Variants in STK32B observed in about 807,000 individuals in gnomAD.
STK32B encodes serine/threonine kinase 32B.
Under a neutral mutation model 52.6 loss-of-function variants are expected in STK32B, and 43 were observed. The ratio of observed to expected loss-of-function variants is 0.82; its 90% confidence interval spans 0.64 to 1.05. The LOEUF (loss-of-function observed/expected upper bound fraction) is 1.05. Among genes scored for constraint, STK32B ranks in the 50% least tolerant of loss-of-function variants. STK32B has a pLI of 0.00. For synonymous variants in STK32B, 238 were observed against 204.3 expected (o/e 1.17, Z -1.41); for missense variants, 621 against 534.6 (o/e 1.16, Z -1.59).
intron 1 of STK32B, among the ~76,000 whole-genome samples, chr4:5,065,448 G>A (rs1443474427): frequency 6.6e-6 from 1 of 152,138 alleles, no homozygotes; most frequent in East Asian, 1.9e-4. Context: ...GGCTGCAAGT[G>A]GTCCATGAGT....
intron 3 of STK32B, among the ~76,000 whole-genome samples, chr4:5,191,159 G>A (rs1721169202): frequency 6.6e-6 from 1 of 152,092 alleles, no homozygotes; most frequent in South Asian, 2.1e-4. Context: ...TGGTTTCCAT[G>A]GTGCCATAGG....
intron 6 of STK32B, among the ~76,000 whole-genome samples, chr4:5,444,591 C>G (rs1018488457): frequency 6.6e-6 from 1 of 152,140 alleles, no homozygotes; most frequent in Admixed American, 6.5e-5. Context: ...AGCTGTTGAC[C>G]GGAGCTGTTC....
chr4:5,469,893 C>G lies in STK32B; in HGVS notation c.1106+1823C>G, dbSNP rs1056768205. ...GCTCTGAGGCTCATGGCCCTTCCCC[C>G]AGACTTAGAAACCCAGACCCAGGAA... On this transcript the variant is annotated intron_variant, in intron 11 of 11. Transcript: ENST00000282908. The surrounding 1 kb of genome is among the most constrained non-coding windows in gnomAD (Gnocchi z 4.7). Among the ~76,000 whole-genome samples, 1 of 152,172 alleles carries G rather than the reference C, an allele frequency of 6.6e-6. No homozygotes were observed. The highest frequency in any genetic ancestry group is 2.4e-5 in the African/African-American group (1 of 41,450).
intron 3 of STK32B, among the ~76,000 whole-genome samples, chr4:5,235,673 A>T (rs1376512596): frequency 6.6e-6 from 1 of 152,240 alleles, no homozygotes; most frequent in Non-Finnish European, 1.5e-5. Context: ...TCATTGTGGA[A>T]TGGAGGCTGC....
chr4:5,484,907 A>G (rs1035445847), intron 11 of STK32B, among the ~76,000 whole-genome samples: 4 of 152,138 alleles, frequency 2.6e-5, no homozygotes, highest in East Asian at 3.8e-4. Context: ...AAGAATGTTG[A>G]TTATTGGCCC....
intron 4 of STK32B, among the ~76,000 whole-genome samples, chr4:5,332,989 A>G (rs1414026806): frequency 1.3e-4 from 20 of 152,220 alleles, no homozygotes; most frequent in Admixed American, 1.3e-3. Flanking sequence ...AGCATGATTT[A>G]TAGTCGTTTG....
Position 5,317,699 on chromosome 4 carries a change from T to C in STK32B, c.261-13521T>C, listed in dbSNP as rs151311613. Among the ~76,000 whole-genome samples, 738 of 150,178 alleles carry C rather than the reference T, an allele frequency of 4.9e-3. 7 individuals are homozygous for C. The highest frequency in any genetic ancestry group is 0.014 in the South Asian group (67 of 4,798). On this transcript the variant is annotated intron_variant, in intron 3 of 11. Transcript: ENST00000282908. ...AGACAAGGTGCCATCTGCAAAGAGC[T>C]CCTATTCTTGTTTGGGAGGCTTCTT... is the stretch of plus-strand genomic sequence containing the variant.
intron 5 of STK32B, among the ~76,000 whole-genome samples, chr4:5,412,515 G>T (rs1711779077): frequency 6.6e-6 from 1 of 152,112 alleles, no homozygotes; most frequent in Non-Finnish European, 1.5e-5. Flanking sequence ...AACCCTGAAG[G>T]CCAGGAGGTA....
chr4:5,203,060 C>G (rs192729993), intron 3 of STK32B, among the ~76,000 whole-genome samples: 1 of 152,296 alleles, frequency 6.6e-6, no homozygotes. Context: ...ATCTTGGAAG[C>G]TTTGTGATCT....
At chr4:5,288,933 G>A (rs933546479) in intron 3 of STK32B, among the ~76,000 whole-genome samples, 67 of 152,230 alleles carry the variant, frequency 4.4e-4, no homozygotes, top group African/African-American at 1.3e-3. Context: ...TTGTATGGTG[G>A]CAGGTAAGAA....
chr4:5,273,223 C>CA (rs1456538817), intron 3 of STK32B, among the ~76,000 whole-genome samples: 2 of 138,828 alleles, frequency 1.4e-5, no homozygotes, highest in Admixed American at 1.5e-4. Flanking sequence ...TTTATGCAGC[C>CA]AAAAAACACA....
intron 3 of STK32B, among the ~76,000 whole-genome samples, chr4:5,294,946 C>T (rs1363726732): frequency 6.6e-6 from 1 of 152,102 alleles, no homozygotes; most frequent in Non-Finnish European, 1.5e-5. Flanking sequence ...AGATAGGTTC[C>T]ATCAATGCCT....
chr4:5,168,046 G>C (rs150296847), intron 2 of STK32B, among the ~76,000 whole-genome samples: 48 of 152,278 alleles, frequency 3.2e-4, no homozygotes, highest in African/African-American at 1.1e-3. Context: ...TTCTGTGTTT[G>C]CATCTCCTCT....
intron 3 of STK32B, among the ~76,000 whole-genome samples, chr4:5,221,581 A>C (rs1477213379): frequency 6.6e-6 from 1 of 152,148 alleles, no homozygotes; most frequent in African/African-American, 2.4e-5. Context: ...TCAGTGCTTC[A>C]TGTCCATGTT....
chr4:5,493,887 T>C (rs1719962375), intron 11 of STK32B, among the ~76,000 whole-genome samples: 1 of 152,252 alleles, frequency 6.6e-6, no homozygotes, highest in Non-Finnish European at 1.5e-5. Flanking sequence ...AGTTGAGTGG[T>C]TTTGCGTTAG....
At chr4:5,105,858 C>T (rs188225760) in intron 1 of STK32B, among the ~76,000 whole-genome samples, 116 of 152,032 alleles carry the variant, frequency 7.6e-4, no homozygotes, top group Middle Eastern at 3.4e-3. Context: ...CCACCACGCC[C>T]GGCTGAACAG....
chr4:5,051,179 A>T (rs1741756748), upstream of STK32B, among the ~76,000 whole-genome samples: 1 of 152,094 alleles, frequency 6.6e-6, no homozygotes, highest in Non-Finnish European at 1.5e-5. Context: ...GACTAACCAC[A>T]GACCTAAGAG....
Position 5,098,804 on chromosome 4 carries a change from T to C in STK32B, c.53-41101T>C, listed in dbSNP as rs569767772. On this transcript the variant is annotated intron_variant, in intron 1 of 11. Coordinates refer to ENST00000282908, the MANE Select transcript of STK32B (RefSeq NM_018401.3). ...CTAGAAACTAAACAGCATGGGGTGATGTATATAACACAGCCTTGTCCTGAT... is the reference window on the plus strand; with the variant it reads ...CTAGAAACTAAACAGCATGGGGTGACGTATATAACACAGCCTTGTCCTGAT... 3.3e-5 allele frequency among the ~76,000 whole-genome samples: 5 copies of C among 152,318 alleles called. No homozygotes were observed. In the South Asian group the frequency reaches 8.3e-4, roughly 25 times the overall value.
chr4:5,308,063 G>C (rs541192822), intron 3 of STK32B, among the ~76,000 whole-genome samples: 1 of 152,102 alleles, frequency 6.6e-6, no homozygotes, highest in African/African-American at 2.4e-5. Context: ...GAGGGTCCTC[G>C]GTTGTATTTT....
Sources: gnomAD v4.1 joint callset for allele counts (sites outside exome capture counted in the v4.1 genomes callset) on GRCh38, gnomAD v4.1.1 for gene constraint, Gnocchi (gnomAD v3.1) non-coding constraint, MANE v1.5 for transcripts, NCBI Gene and HGNC (gene_info 2026-07-23, HGNC 2026-07-21) for gene names.